TGFB2: variants seen among roughly 807,000 people sequenced by gnomAD.
The protein encoded by TGFB2 is transforming growth factor beta-2 proprotein.
A neutral mutation model predicts 42.7 loss-of-function variants in TGFB2; 13 were observed. The observed-to-expected ratio is 0.30, with a 90% CI of 0.20 to 0.48. The LOEUF is 0.48. Among genes scored for constraint, TGFB2 ranks in the 20% least tolerant of loss-of-function variants. TGFB2 has a pLI of 0.99. For missense variants in TGFB2, 390 were observed against 517.5 expected (o/e 0.75, Z 2.39); for synonymous variants, 193 against 193.6 (o/e 1.00, Z 0.03).
chr1:218,348,131 G>C (rs1178021893), intron 1 of TGFB2, among the ~76,000 whole-genome samples: 1 of 152,040 alleles, frequency 6.6e-6, no homozygotes, highest in Admixed American at 6.6e-5. Context: ...ATACCTGAGA[G>C]GGTTAAATAC....
chr1:218,433,497 C>A (rs1659874381), intron 2 of TGFB2, among the ~76,000 whole-genome samples: 1 of 152,224 alleles, frequency 6.6e-6, no homozygotes. Flanking sequence ...CTTTATAAAT[C>A]ATAACAAATC....
intron 1 of TGFB2, among the ~76,000 whole-genome samples, chr1:218,392,314 C>T (rs1329052164): frequency 6.6e-6 from 1 of 152,192 alleles, no homozygotes; most frequent in East Asian, 1.9e-4. Context: ...GATCATGCCA[C>T]TGCACTCCAG....
At chr1:218,383,753 C>T (rs901547426) in intron 1 of TGFB2, among the ~76,000 whole-genome samples, 4 of 152,126 alleles carry the variant, frequency 2.6e-5, no homozygotes, top group Non-Finnish European at 5.9e-5. Context: ...AGTCAGGTTT[C>T]GATGGGTTAC....
At chr1:218,436,180 C>A in intron 5 of TGFB2, 33 bp downstream of exon 5, 1 of 1,598,338 alleles carries the variant, frequency 6.3e-7, no homozygotes, top group South Asian at 1.1e-5. Flanking sequence ...CAAGTAATTG[C>A]ATCTGTTAAC....
At chr1:218,400,913 G>A (rs1038689994) in intron 1 of TGFB2, among the ~76,000 whole-genome samples, 2 of 152,102 alleles carry the variant, frequency 1.3e-5, no homozygotes. Flanking sequence ...GAGAGTCCTG[G>A]GCAAGTGGAC....
At chr1:218,439,203 G>A (rs532325300) in intron 6 of TGFB2, among the ~76,000 whole-genome samples, 2 of 151,986 alleles carry the variant, frequency 1.3e-5, no homozygotes, top group African/African-American at 4.8e-5. Context: ...CCAAGGCTTG[G>A]CATGCAGGCC....
At position 218,388,809 on chromosome 1, in the gene TGFB2, C is replaced by T. The variant is rs184042358; in HGVS notation, c.347-16360C>T. ...TCACAATCATAATGAAGAGAAAAAT[C>T]GCTCTTGTCAGAGTATCAGTGCCAG... On this transcript the variant is annotated intron_variant, in intron 1 of 6. Transcript: ENST00000366930. Among the ~76,000 whole-genome samples the T allele has an allele frequency of 3.9e-5, 6 of 152,296 alleles. No individual in the cohort carries two copies. In the East Asian group the frequency reaches 7.7e-4, roughly 20 times the overall value.
intron 1 of TGFB2, among the ~76,000 whole-genome samples, chr1:218,379,959 C>T (rs796807931): frequency 1.3e-5 from 2 of 152,218 alleles, no homozygotes; most frequent in African/African-American, 2.4e-5. Flanking sequence ...ATAATAATAC[C>T]GATGCGGTGC....
chr1:218,397,563 C>CA (rs759635592), intron 1 of TGFB2, among the ~76,000 whole-genome samples: 1,603 of 91,142 alleles, frequency 0.018, 16 homozygotes, highest in Middle Eastern at 0.077. Context: ...GACTCCGTCT[C>CA]AAAAAAAAAA....
intron 1 of TGFB2, among the ~76,000 whole-genome samples, chr1:218,350,305 C>T (rs1055837218): frequency 6.6e-6 from 1 of 152,186 alleles, no homozygotes; most frequent in African/African-American, 2.4e-5. Context: ...CCCCCCAACA[C>T]CCGCACCCCT....
At chr1:218,434,057 T>C (rs1433860669) in intron 2 of TGFB2, 25 bp from the exon 3 acceptor site, 9 of 1,611,516 alleles carry the variant, frequency 5.6e-6, no homozygotes, top group Non-Finnish European at 7.6e-6. Context: ...ACTCAGCCTT[T>C]TCTCTTGCTC....
At chr1:218,362,070 G>A (rs1364674202) in intron 1 of TGFB2, among the ~76,000 whole-genome samples, 3 of 152,162 alleles carry the variant, frequency 2.0e-5, no homozygotes, top group East Asian at 3.8e-4. Context: ...TCTTGATAGT[G>A]GGCTGAATAT....
chr1:218,394,695 G>C (rs998691720), intron 1 of TGFB2, among the ~76,000 whole-genome samples: 1 of 152,098 alleles, frequency 6.6e-6, no homozygotes, highest in Non-Finnish European at 1.5e-5. Context: ...AGGTGGGATG[G>C]CCGGAGAGAA....
chr1:218,354,666 T>C (rs1398182724), intron 1 of TGFB2, among the ~76,000 whole-genome samples: 1 of 152,212 alleles, frequency 6.6e-6, no homozygotes, highest in Non-Finnish European at 1.5e-5. Context: ...GGAGCCCTAA[T>C]ACAGAGCCCA....
intron 1 of TGFB2, among the ~76,000 whole-genome samples, chr1:218,361,709 G>T (rs577141882): frequency 6.6e-6 from 1 of 152,290 alleles, no homozygotes; most frequent in Admixed American, 6.5e-5. Context: ...GGTCAGATAC[G>T]AATGAGAAAA....
intron 1 of TGFB2, among the ~76,000 whole-genome samples, chr1:218,354,063 T>G (rs772755580): frequency 5.9e-5 from 9 of 152,228 alleles, no homozygotes; most frequent in Non-Finnish European, 1.2e-4. Context: ...AAGATCTAAC[T>G]CTGTTCTGGG....
intron 1 of TGFB2, among the ~76,000 whole-genome samples, chr1:218,352,237 T>C (rs1249412155): frequency 1.3e-5 from 2 of 150,790 alleles, no homozygotes; most frequent in Non-Finnish European, 2.9e-5. Context: ...TGATGTAGCA[T>C]TTCCGGTACT....
chr1:218,412,878 C>T (rs1445510548), intron 2 of TGFB2, among the ~76,000 whole-genome samples: 1 of 152,116 alleles, frequency 6.6e-6, no homozygotes, highest in Admixed American at 6.5e-5. Context: ...AAAAATAACT[C>T]CCTGGGGGAA....
chr1:218,387,029 G>A (rs995715370), intron 1 of TGFB2, among the ~76,000 whole-genome samples: 1 of 152,204 alleles, frequency 6.6e-6, no homozygotes, highest in Non-Finnish European at 1.5e-5. Flanking sequence ...GCAAAGAATG[G>A]AGAAATTCAT....
Sources: gnomAD v4.1 joint callset for allele counts (sites outside exome capture counted in the v4.1 genomes callset) on GRCh38, gnomAD v4.1.1 for gene constraint, MANE v1.5 for transcripts, NCBI Gene and HGNC (gene_info 2026-07-23, HGNC 2026-07-21) for gene names.